The following FSTL1 variants were observed in gnomAD, a reference collection of about 807,000 sequenced individuals.
The protein encoded by FSTL1 is follistatin like 1.
In FSTL1, 24 loss-of-function variants were observed where a neutral mutation model predicts 45.9. That is an observed-to-expected ratio of 0.52 (90% CI 0.38 to 0.74). FSTL1 has a LOEUF of 0.74. FSTL1 is among the 30% of genes least tolerant of loss of function. FSTL1 has a pLI of 0.00. For synonymous variants in FSTL1, 120 were observed against 137.6 expected (o/e 0.87, Z 0.89); for missense variants, 340 against 381.8 (o/e 0.89, Z 0.91).
chr3:120,439,659 A>G (rs935960397), intron 2 of FSTL1, among the ~76,000 whole-genome samples: 1 of 152,354 alleles, frequency 6.6e-6, no homozygotes, highest in East Asian at 1.9e-4. Flanking sequence ...TGGGCAGACA[A>G]GCCCTGTGCC....
intron 2 of FSTL1, among the ~76,000 whole-genome samples, chr3:120,450,194 A>T (rs1215042195): frequency 6.6e-6 from 1 of 152,238 alleles, no homozygotes; most frequent in Non-Finnish European, 1.5e-5. Context: ...TTCACAAAGA[A>T]GAAAATACAT....
intron 9 of FSTL1, among the ~76,000 whole-genome samples, chr3:120,401,894 A>G (rs1433657803): frequency 6.6e-6 from 1 of 152,234 alleles, no homozygotes; most frequent in Non-Finnish European, 1.5e-5. Context: ...GGTTCACCCT[A>G]GCTGGTGAAA....
At chr3:120,406,716 A>C (rs1487700800) in intron 6 of FSTL1, among the ~76,000 whole-genome samples, 1 of 152,000 alleles carries the variant, frequency 6.6e-6, no homozygotes, top group African/African-American at 2.4e-5. Flanking sequence ...GTGAGGTCCT[A>C]ATCATGGACC....
chr3:120,437,395 G>C (rs996550706), intron 2 of FSTL1, among the ~76,000 whole-genome samples: 1 of 152,144 alleles, frequency 6.6e-6, no homozygotes, highest in African/African-American at 2.4e-5. Flanking sequence ...AATAAGCACT[G>C]GTTTATGTGC....
chr3:120,409,544 G>A lies in FSTL1; in HGVS notation c.450C>T (p.Asp150=). ...ACCTCTGGATTACCTTAAAATACTTGTCTAGGATTTCACTGTAGTTGCTGC... is the reference window on the plus strand; with the variant it reads ...ACCTCTGGATTACCTTAAAATACTTATCTAGGATTTCACTGTAGTTGCTGC... The part of the protein sequence containing the change: ...SKGSNYSEIL[D]KYFKNFDNGD... Residue 150 remains aspartate, a synonymous_variant, in exon 6 of 11, where the codon GAC becomes GAT. Coordinates refer to ENST00000295633, the MANE Select transcript of FSTL1 (RefSeq NM_007085.5). The A allele has an allele frequency of 6.2e-7, 1 of 1,613,852 alleles. No homozygotes were observed. Among genetic ancestry groups the A allele is most frequent in the Non-Finnish European group, 8.5e-7 (1 of 1,179,738 alleles).
chr3:120,450,424 G>C (rs896098293), intron 2 of FSTL1, among the ~76,000 whole-genome samples: 1 of 152,092 alleles, frequency 6.6e-6, no homozygotes, highest in Admixed American at 6.5e-5. Context: ...GGCCCAGCCC[G>C]TCCCCTCTCC....
chr3:120,395,935 A>G lies in FSTL1; in HGVS notation c.*1017T>C, dbSNP rs1936690258. 1 of 316,248 alleles carries G rather than the reference A, an allele frequency of 3.2e-6. No homozygotes were observed. Among genetic ancestry groups the G allele is most frequent in the Admixed American group, 4.5e-5 (1 of 22,092 alleles). The allele number at this position is 316,248 out of a possible 1,614,324, so 19.6% of individuals were successfully genotyped here. On this transcript the variant is annotated 3_prime_UTR_variant, in exon 11 of 11. Transcript: ENST00000295633. ...TCCTTGGGAATACTGATTTGCCTCA[A>G]CTTCTCAGAATAAATAAAAACAAAT...
chr3:120,411,771 C>CATGT, intron 4 of FSTL1, 83 bp downstream of exon 4: 2 of 1,234,482 alleles, frequency 1.6e-6, no homozygotes, highest in Admixed American at 3.7e-5. Flanking sequence ...GAGGAAAGAC[C>CATGT]ATGTGGTCAG....
intron 10 of FSTL1, among the ~76,000 whole-genome samples, chr3:120,399,448 G>A (rs921948526): frequency 2.6e-5 from 4 of 152,210 alleles, no homozygotes; most frequent in South Asian, 4.1e-4. Flanking sequence ...CATGCTCACT[G>A]AGTGCTGACT....
intron 2 of FSTL1, among the ~76,000 whole-genome samples, chr3:120,435,583 G>A (rs1413803951): frequency 1.3e-5 from 2 of 152,140 alleles, no homozygotes; most frequent in Non-Finnish European, 2.9e-5. Flanking sequence ...TCACATCTGA[G>A]CCCACAGACT....
Position 120,395,868 on chromosome 3 carries a change from G to A in FSTL1, c.*1084C>T, listed in dbSNP as rs1287582230. 7 of 381,314 alleles carry A rather than the reference G, an allele frequency of 1.8e-5. No homozygotes were observed. Among genetic ancestry groups the A allele is most frequent in the Non-Finnish European group, 3.1e-5 (6 of 195,418 alleles). 23.6% of individuals were successfully genotyped at this position (381,314 alleles called of 1,614,324 possible). ...AGTTAGTCGAATGAGCATATTGGTA[G>A]GCTGGGATATCCTAAGCCCTGCTTG... On this transcript the variant is annotated 3_prime_UTR_variant, in exon 11 of 11. Transcript: ENST00000295633.
Position 120,394,564 on chromosome 3 carries a change from T to G in FSTL1, c.*2388A>C, listed in dbSNP as rs888490801. On this transcript the variant is annotated 3_prime_UTR_variant, in exon 11 of 11. Transcript: ENST00000295633. ...GTCACGGCATGTGGGAATGTTTCCA[T>G]GGACACTGGATCTTAACAGATGCTA... 1 of 152,208 alleles carries G rather than the reference T, an allele frequency of 6.6e-6. No homozygotes were observed. The highest frequency in any genetic ancestry group is 2.4e-5 in the African/African-American group (1 of 41,452). 9.4% of individuals were successfully genotyped at this position (152,208 alleles called of 1,614,324 possible). A position where few individuals can be genotyped will look rare whatever the true frequency, so the allele number is the denominator to read the frequency against.
chr3:120,417,219 T>C (rs1937201318), intron 2 of FSTL1, among the ~76,000 whole-genome samples: 1 of 152,166 alleles, frequency 6.6e-6, no homozygotes, highest in African/African-American at 2.4e-5. Flanking sequence ...TGCAGAGAAC[T>C]CACACCCACA....
chr3:120,400,261 C>T (rs755768391), intron 9 of FSTL1, among the ~76,000 whole-genome samples: 1 of 152,178 alleles, frequency 6.6e-6, no homozygotes, highest in Admixed American at 6.5e-5. Flanking sequence ...AACTTGGATC[C>T]TGACACTGGA....
At chr3:120,428,088 C>T (rs1033790417) in intron 2 of FSTL1, among the ~76,000 whole-genome samples, 2 of 152,198 alleles carry the variant, frequency 1.3e-5, no homozygotes, top group African/African-American at 4.8e-5. Flanking sequence ...GGCTGGCCAA[C>T]ATTTCTAGAC....
chr3:120,419,661 T>C lies in FSTL1; in HGVS notation c.64-3634A>G, dbSNP rs975801287. On this transcript the variant is annotated intron_variant, in intron 2 of 10. Coordinates refer to ENST00000295633, the MANE Select transcript of FSTL1 (RefSeq NM_007085.5). ...ACAGCGACTATGAGAAGTGAGAACC[T>C]TGGAAGGTTTGGGATTGGGTAGGTA... 41 of 152,292 alleles carry C rather than the reference T, an allele frequency of 2.7e-4. 1 individual carries two copies. The highest frequency in any genetic ancestry group is 2.6e-3 in the Admixed American group (39 of 15,276). The allele number at this position is 152,292 out of a possible 1,614,324, so 9.4% of individuals were successfully genotyped here.
intron 2 of FSTL1, among the ~76,000 whole-genome samples, chr3:120,435,179 A>T (rs539103951): frequency 6.6e-6 from 1 of 152,326 alleles, no homozygotes; most frequent in East Asian, 1.9e-4. Context: ...AGATCCTGCC[A>T]CTACACTCCA....
intron 2 of FSTL1, chr3:120,424,134 T>G (rs1937333794): frequency 6.6e-6 from 1 of 152,232 alleles, no homozygotes; most frequent in South Asian, 2.1e-4. Context: ...GCAAGCTCCG[T>G]GGCATAAACC....
chr3:120,440,650 T>C (rs891416138), intron 2 of FSTL1, among the ~76,000 whole-genome samples: 9 of 152,356 alleles, frequency 5.9e-5, no homozygotes, highest in Non-Finnish European at 8.8e-5. Flanking sequence ...GAGAACAGAT[T>C]TGCAATACCT....
Sources: gnomAD v4.1 joint callset for allele counts (sites outside exome capture counted in the v4.1 genomes callset) on GRCh38, gnomAD v4.1.1 for gene constraint, MANE v1.5 for transcripts, NCBI Gene and HGNC (gene_info 2026-07-23, HGNC 2026-07-21) for gene names.